The following ABCB5 variants were observed in gnomAD, a reference collection of about 807,000 sequenced individuals.
The protein encoded by ABCB5 is ATP binding cassette subfamily B member 5.
ABCB5 carries 155 observed loss-of-function variants against 144.2 expected under a neutral mutation model. That is an observed-to-expected ratio of 1.08 (90% confidence interval 0.94 to 1.23). ABCB5 has a LOEUF of 1.23. Among genes scored for constraint, ABCB5 ranks in the 50% most tolerant of loss-of-function variants. The pLI is 0.00. For synonymous variants in ABCB5, 610 were observed against 528.6 expected (o/e 1.15, Z -2.11); for missense variants, 1,830 against 1,520.8 (o/e 1.20, Z -3.38).
chr7:20,661,540 C>CTT (rs71555814), intron 14 of ABCB5, among the ~76,000 whole-genome samples: 3,819 of 139,944 alleles, frequency 0.027, 223 homozygotes, highest in African/African-American at 0.096. Context: ...TTTTCTTTTT[C>CTT]TTTTTTTTTT....
At chr7:20,664,696 TCTTCTTACCCACCATTTA>T (rs1785115920) in intron 14 of ABCB5, among the ~76,000 whole-genome samples, 1 of 91,364 alleles carries the variant, frequency 1.1e-5, no homozygotes. Context: ...CAGCATTTTC[TCTTCTTACCCACCATTTA>T]CTCTTCTTAC....
Position 20,724,964 on chromosome 7 carries a change from C to A in ABCB5, c.2625+1745C>A, listed in dbSNP as rs114037256. Reference sequence around the variant, plus strand: ...CAGAGACAGTAAACAGTTGTTTAGACCTCCTTGTCTAATTTAAACATTGCA... The same window carrying A: ...CAGAGACAGTAAACAGTTGTTTAGAACTCCTTGTCTAATTTAAACATTGCA... On this transcript the variant is annotated intron_variant, in intron 21 of 27. Transcript: ENST00000404938. Among the ~76,000 whole-genome samples the A allele has an allele frequency of 5.9e-3, 894 of 152,212 alleles. 5 individuals are homozygous for A. The highest frequency in any genetic ancestry group is 0.021 in the African/African-American group (857 of 41,514).
chr7:20,674,187 T>C (rs1329107076), intron 14 of ABCB5, among the ~76,000 whole-genome samples: 1 of 151,918 alleles, frequency 6.6e-6, no homozygotes. Context: ...TAAGAAAAAA[T>C]TACATTTTTC....
chr7:20,660,025 T>C (rs1784952151), intron 14 of ABCB5: 1 of 985,406 alleles, frequency 1.0e-6, no homozygotes, highest in African/African-American at 1.7e-5. Context: ...ATAGGCTCTC[T>C]GATTGTTTAG....
chr7:20,640,354 CT>C (rs1341658670), intron 5 of ABCB5, among the ~76,000 whole-genome samples: 2 of 151,980 alleles, frequency 1.3e-5, no homozygotes, highest in Admixed American at 6.6e-5. Context: ...TTTATGTGTG[CT>C]TTTTTTTAAA....
intron 15 of ABCB5, among the ~76,000 whole-genome samples, chr7:20,682,406 T>C (rs948084169): frequency 3.9e-5 from 6 of 152,134 alleles, no homozygotes; most frequent in Non-Finnish European, 8.8e-5. Context: ...AGAGCTATAT[T>C]ACCCACAAAA....
intron 5 of ABCB5, among the ~76,000 whole-genome samples, chr7:20,636,616 C>G (rs867721557): frequency 4.0e-5 from 6 of 151,712 alleles, no homozygotes; most frequent in Admixed American, 6.6e-5. Flanking sequence ...GAAACTCCGT[C>G]TCTATTAAGA....
chr7:20,701,055 C>A (rs1461911485), intron 19 of ABCB5, among the ~76,000 whole-genome samples: 1 of 152,188 alleles, frequency 6.6e-6, no homozygotes, highest in African/African-American at 2.4e-5. Flanking sequence ...CCCACGGCAA[C>A]ACCGTGGTCT....
chr7:20,751,751 G>A (rs928551611), intron 26 of ABCB5, among the ~76,000 whole-genome samples: 8 of 152,138 alleles, frequency 5.3e-5, no homozygotes, highest in East Asian at 1.9e-4. Context: ...GGAAATGAAC[G>A]GCAGACACAG....
chr7:20,747,788 C>T (rs948668920), intron 26 of ABCB5, among the ~76,000 whole-genome samples: 2 of 151,906 alleles, frequency 1.3e-5, no homozygotes, highest in African/African-American at 2.4e-5. Flanking sequence ...CCCAAAAACA[C>T]GTAGAAAAAT....
chr7:20,646,148 G>A lies in ABCB5; in HGVS notation c.981+10G>A. On this transcript the variant is annotated intron_variant, in intron 9 of 27. Coordinates refer to ENST00000404938, the MANE Select transcript of ABCB5 (RefSeq NM_001163941.2). ...CGGGACTGTTCTTGCTGTAAGTCTT[G>A]TTTGAGAACAAGGTGTCAGGCCTGG... 3 of 1,606,686 alleles carry A rather than the reference G, an allele frequency of 1.9e-6. No homozygotes were observed. The highest frequency in any genetic ancestry group is 2.5e-6 in the Non-Finnish European group (3 of 1,177,702).
At chr7:20,678,773 T>C (rs1409135475) in intron 14 of ABCB5, among the ~76,000 whole-genome samples, 1 of 152,200 alleles carries the variant, frequency 6.6e-6, no homozygotes, top group East Asian at 1.9e-4. Flanking sequence ...ATTGGTGCAG[T>C]GACAGACAAG....
At chr7:20,711,833 T>C (rs1787064411) in intron 20 of ABCB5, among the ~76,000 whole-genome samples, 3 of 56,966 alleles carry the variant, frequency 5.3e-5, no homozygotes, top group African/African-American at 4.7e-4. Context: ...TCTTTCTTTC[T>C]TTCTTTCTTT....
At chr7:20,704,628 G>T in intron 19 of ABCB5, 96 bp from the exon 20 acceptor site, 1 of 814,196 alleles carries the variant, frequency 1.2e-6, no homozygotes, top group Non-Finnish European at 2.0e-6. Context: ...TGAGTGAGGA[G>T]GCAGGTAAAT....
intron 14 of ABCB5, among the ~76,000 whole-genome samples, chr7:20,677,842 G>A (rs1418422197): frequency 9.9e-5 from 15 of 152,192 alleles, no homozygotes; most frequent in Non-Finnish European, 2.2e-4. Context: ...ACCAGCTGAA[G>A]TAGACTCACA....
Position 20,725,478 on chromosome 7 carries a change from C to A in ABCB5, c.2626-1562C>A, listed in dbSNP as rs1282986961. Among the ~76,000 whole-genome samples, 3 of 152,150 alleles carry A rather than the reference C, an allele frequency of 2.0e-5. No individual in the cohort carries two copies. The South Asian group carries it at 6.2e-4, about 32-fold the overall frequency. ...CCTGCAATCCCAGCTACTCAGGAGG[C>A]TAAGGCAGGAGAATCACTTGAAGCC... On this transcript the variant is annotated intron_variant, in intron 21 of 27. Coordinates refer to ENST00000404938, the MANE Select transcript of ABCB5 (RefSeq NM_001163941.2).
At position 20,752,761 on chromosome 7, in the gene ABCB5, G is replaced by A. The variant is rs140052066; in HGVS notation, c.3430-599G>A. Among the ~76,000 whole-genome samples the A allele has an allele frequency of 6.5e-3, 984 of 152,276 alleles. 10 individuals are homozygous for A. The highest frequency in any genetic ancestry group is 0.022 in the African/African-American group (903 of 41,554). On this transcript the variant is annotated intron_variant, in intron 26 of 27. Coordinates refer to ENST00000404938, the MANE Select transcript of ABCB5 (RefSeq NM_001163941.2). ...ACTTGGGAGGCTGAGGCAGAGAATC[G>A]CTTGAAGCCGGGAGGCGGAGGTTGC...
intron 5 of ABCB5, among the ~76,000 whole-genome samples, chr7:20,640,457 A>G (rs1784271991): frequency 6.6e-6 from 1 of 152,140 alleles, no homozygotes; most frequent in South Asian, 2.1e-4. Context: ...CTTATCTGAC[A>G]CACCTGTTTT....
chr7:20,709,888 A>C (rs1786962121), intron 20 of ABCB5, among the ~76,000 whole-genome samples: 1 of 148,150 alleles, frequency 6.7e-6, no homozygotes, highest in African/African-American at 2.5e-5. Context: ...CCAGGCTGCC[A>C]ACATGGTGAA....
Sources: allele counts gnomAD v4.1 joint callset (sites outside exome capture counted in the v4.1 genomes callset), GRCh38; gene constraint gnomAD v4.1.1; transcripts MANE v1.5; gene names NCBI Gene and HGNC (gene_info 2026-07-23, HGNC 2026-07-21).